TCF20: variants seen among roughly 807,000 people sequenced by gnomAD.
The protein encoded by TCF20 is SPRE-binding protein.
In TCF20, 3 loss-of-function variants were observed where a neutral mutation model predicts 148.6. The ratio of observed to expected loss-of-function variants is 0.02; its 90% CI spans 0.01 to 0.05. The LOEUF (loss-of-function observed/expected upper bound fraction) is 0.05, where lower values mean the gene tolerates loss of function less well. TCF20 is among the 10% of genes least tolerant of loss of function. TCF20 has a pLI of 1.00. For missense variants in TCF20, 2,350 were observed against 2,429.3 expected (o/e 0.97, Z 0.69); for synonymous variants, 1,049 against 909.5 (o/e 1.15, Z -2.76).
At chr22:42,225,620 CA>C (rs57952215) in intron 1 of TCF20, among the ~76,000 whole-genome samples, 6,271 of 74,778 alleles carry the variant, frequency 0.084, 345 homozygotes, top group African/African-American at 0.26. Context: ...GACTCCGTCT[CA>C]AAAAAAAAAA....
chr22:42,314,976 G>A (rs1306090222), intron 1 of TCF20, among the ~76,000 whole-genome samples: 2 of 152,088 alleles, frequency 1.3e-5, no homozygotes, highest in East Asian at 3.9e-4. Context: ...CACCACAGCA[G>A]GATGTTTTTG....
At chr22:42,174,349 G>A (rs1021849057) in intron 3 of TCF20, among the ~76,000 whole-genome samples, 2 of 152,226 alleles carry the variant, frequency 1.3e-5, no homozygotes, top group Non-Finnish European at 2.9e-5. Context: ...GAGCTTTGCT[G>A]CTTGACATCT....
chr22:42,218,358 T>C (rs1429012119), intron 1 of TCF20, among the ~76,000 whole-genome samples: 2 of 152,150 alleles, frequency 1.3e-5, no homozygotes, highest in African/African-American at 4.8e-5. Context: ...CACCCTCTTA[T>C]AAGGACCTCC....
rs1491280192 is a variant in TCF20, at chr22:42,242,227, A to AAAAAAAAAAAAAAAAAAAAAT, written c.-36-26887_-36-26886insATTTTTTTTTTTTTTTTTTTT. Among the ~76,000 whole-genome samples, 50 of 122,754 alleles carry AAAAAAAAAAAAAAAAAAAAAT rather than the reference A, an allele frequency of 4.1e-4. 4 individuals carry two copies. Among genetic ancestry groups the AAAAAAAAAAAAAAAAAAAAAT allele is most frequent in the South Asian group, 7.6e-4 (3 of 3,958 alleles). The allele number at this position is 122,754 out of a possible 152,430, so 80.5% of individuals were successfully genotyped here. On this transcript the variant is annotated intron_variant, in intron 1 of 5. Coordinates refer to ENST00000677622, the MANE Select transcript of TCF20 (RefSeq NM_001378418.1). ...CAAAAAAAAAAAAAAAAAAAAAAAA[A>AAAAAAAAAAAAAAAAAAAAAT]CAGAAAAGAAAGGGTGACTACAAGG...
In TCF20 at chr22:42,211,371, G is replaced by A. The variant is rs754421645; in HGVS notation, c.3935C>T (p.Pro1312Leu). Residue 1312 changes from proline to leucine, a missense_variant, in exon 2 of 6, where the codon CCT becomes CTT. Coordinates refer to ENST00000677622, the MANE Select transcript of TCF20 (RefSeq NM_001378418.1). ...AAGGTCCTTGGAGGAATCTCTCTTA[G>A]GGATAGACTTGATATCCTGACTGTG... ...LSHSQDIKSI[P>L]KRDSSKDLPS... 1 of 1,614,188 alleles carries A rather than the reference G, an allele frequency of 6.2e-7. No homozygotes were observed. The highest frequency in any genetic ancestry group is 1.7e-5 in the Admixed American group (1 of 60,018).
Position 42,214,988 on chromosome 22 carries a change from A to C in TCF20, c.318T>G (p.Pro106=), listed in dbSNP as rs1449070448. ...CAGGCCCAGAAGGCCTTCGCTGAGG[A>C]GGCTGTGGGGTTCCTGTAGTCACGG... ...KDPVTTGTPQ[P]PQRRPSGPVQ... is the part of the protein sequence containing the mutation. The change falls in exon 2 of 6, where the codon CCT becomes CCG. Residue 106 remains proline (P), a synonymous_variant. Coordinates refer to ENST00000677622, the MANE Select transcript of TCF20 (RefSeq NM_001378418.1). 6 of 1,614,108 alleles carry C rather than the reference A, an allele frequency of 3.7e-6. No homozygotes were observed. The East Asian group carries it at 6.7e-5, about 18-fold the overall frequency.
chr22:42,197,159 G>C (rs1386964984), intron 2 of TCF20, among the ~76,000 whole-genome samples: 2 of 152,098 alleles, frequency 1.3e-5, no homozygotes, highest in Non-Finnish European at 2.9e-5. Context: ...ACAATTCTAA[G>C]GCTGATGCTA....
In TCF20 at chr22:42,223,626, T is replaced by C. The variant is rs150311688; in HGVS notation, c.-36-8285A>G. 2.6e-5 allele frequency among the ~76,000 whole-genome samples: 4 copies of C among 152,336 alleles called. No homozygotes were observed. In the East Asian group the frequency reaches 7.7e-4, roughly 29 times the overall value. On this transcript the variant is annotated intron_variant, in intron 1 of 5. Transcript: ENST00000677622. Reference sequence around the variant, plus strand: ...TCATGGTAAACAATGAGATAAGATATATAATATGCCCACTGCAAAACCCAG... The same window carrying C: ...TCATGGTAAACAATGAGATAAGATACATAATATGCCCACTGCAAAACCCAG...
At chr22:42,313,630 C>T (rs1198028442) in intron 1 of TCF20, among the ~76,000 whole-genome samples, 3 of 134,618 alleles carry the variant, frequency 2.2e-5, no homozygotes, top group Middle Eastern at 5.3e-3. Context: ...GACAGAGTCT[C>T]GCTTTGTCGC....
At chr22:42,327,666 C>G (rs1404367954) in intron 1 of TCF20, among the ~76,000 whole-genome samples, 1 of 151,818 alleles carries the variant, frequency 6.6e-6, no homozygotes, top group Non-Finnish European at 1.5e-5. Context: ...CCCTCCTTAC[C>G]CGAGACTGAA....
intron 1 of TCF20, among the ~76,000 whole-genome samples, chr22:42,280,142 G>C (rs899010164): frequency 6.6e-6 from 1 of 152,192 alleles, no homozygotes; most frequent in Non-Finnish European, 1.5e-5. Flanking sequence ...AGATGATACC[G>C]CCCAAGTCAC....
intron 2 of TCF20, among the ~76,000 whole-genome samples, chr22:42,194,745 G>A (rs913108740): frequency 6.6e-6 from 1 of 152,040 alleles, no homozygotes; most frequent in African/African-American, 2.4e-5. Context: ...GCAGAGTGTG[G>A]TTCTTGACAT....
chr22:42,212,529 C>A lies in TCF20; in HGVS notation c.2777G>T (p.Gly926Val), dbSNP rs2147209717. ...SMETKLKSQSGQIKEEDFEQS... is the reference protein window; with the variant it reads ...SMETKLKSQSVQIKEEDFEQS... ...TTCAAAGTCTTCCTCTTTTATCTGC[C>A]CGCTCTGGGATTTCAGCTTGGTTTC... The change falls in exon 2 of 6, where the codon GGG becomes GTG. Residue 926 changes from glycine (G) to valine (V), a missense_variant. Coordinates refer to ENST00000677622, the MANE Select transcript of TCF20 (RefSeq NM_001378418.1). 6.2e-7 allele frequency: 1 copy of A among 1,614,040 alleles called. No individual in the cohort carries two copies. The highest frequency in any genetic ancestry group is 8.5e-7 in the Non-Finnish European group (1 of 1,179,906).
At chr22:42,327,226 C>T (rs779323749) in intron 1 of TCF20, among the ~76,000 whole-genome samples, 2 of 152,200 alleles carry the variant, frequency 1.3e-5, no homozygotes, top group African/African-American at 2.4e-5. Flanking sequence ...ATGCCCTTGG[C>T]GCAGGAGCTA....
At chr22:42,198,747 C>T (rs889584983) in intron 2 of TCF20, among the ~76,000 whole-genome samples, 15 of 151,534 alleles carry the variant, frequency 9.9e-5, no homozygotes, top group South Asian at 2.1e-4. Flanking sequence ...CTGCAAGCTC[C>T]GCCTCCTGGG....
At position 42,161,223 on chromosome 22, in the gene TCF20, T is replaced by A; in HGVS notation, c.*180A>T. ...TGGTGTCACTGGTTTGAGTGTGATG[T>A]GAGAACTTAAGGAAGTGCTGGCATG... On this transcript the variant is annotated 3_prime_UTR_variant, in exon 6 of 6. Coordinates refer to ENST00000677622, the MANE Select transcript of TCF20 (RefSeq NM_001378418.1). 7.9e-7 allele frequency: 1 copy of A among 1,258,954 alleles called. No individual in the cohort carries two copies. Among genetic ancestry groups the A allele is most frequent in the Non-Finnish European group, 1.1e-6 (1 of 896,008 alleles). 78.0% of individuals were successfully genotyped at this position (1,258,954 alleles called of 1,614,324 possible). A position where few individuals can be genotyped will look rare whatever the true frequency, so the allele number is the denominator to read the frequency against.
chr22:42,200,160 T>C (rs936871568), intron 2 of TCF20, among the ~76,000 whole-genome samples: 1 of 152,224 alleles, frequency 6.6e-6, no homozygotes, highest in African/African-American at 2.4e-5. Flanking sequence ...TGCCTTCATA[T>C]CTAATATTTT....
intron 2 of TCF20, among the ~76,000 whole-genome samples, chr22:42,206,835 GA>G (rs1280268428): frequency 6.6e-6 from 1 of 152,158 alleles, no homozygotes; most frequent in African/African-American, 2.4e-5. Flanking sequence ...CTTTTTGCCA[GA>G]AGGTTATAAA....
intron 1 of TCF20, among the ~76,000 whole-genome samples, chr22:42,331,863 G>T (rs1040519632): frequency 2.0e-5 from 3 of 152,262 alleles, no homozygotes; most frequent in African/African-American, 7.2e-5. Context: ...GGGGAAAATG[G>T]GGCCAAGAGA....
Sources: allele counts gnomAD v4.1 joint callset (sites outside exome capture counted in the v4.1 genomes callset), GRCh38; gene constraint gnomAD v4.1.1; transcripts MANE v1.5; gene names NCBI Gene and HGNC (gene_info 2026-07-23, HGNC 2026-07-21).